The following PTPRD variants were observed in gnomAD, a reference collection of about 807,000 sequenced individuals.
PTPRD encodes the protein receptor-type tyrosine-protein phosphatase delta.
In PTPRD, 34 loss-of-function variants were observed where a neutral mutation model predicts 214.5. That is an observed-to-expected ratio of 0.16 (90% confidence interval 0.12 to 0.21). The LOEUF is 0.21. PTPRD is among the 10% of genes least tolerant of loss of function. The pLI is 1.00. For missense variants in PTPRD, 2,545 were observed against 2,398.7 expected (o/e 1.06, Z -1.27); for synonymous variants, 1,128 against 845.7 (o/e 1.33, Z -5.79).
chr9:10,064,115 A>T (rs1206886447), intron 3 of PTPRD, among the ~76,000 whole-genome samples: 4 of 151,768 alleles, frequency 2.6e-5, no homozygotes, highest in Non-Finnish European at 5.9e-5. Flanking sequence ...TGTGTAACTT[A>T]AAAGACAATT....
intron 7 of PTPRD, among the ~76,000 whole-genome samples, chr9:9,672,719 A>G (rs2096854755): frequency 6.6e-6 from 1 of 152,096 alleles, no homozygotes; most frequent in Admixed American, 6.6e-5. Context: ...TTATCCACCC[A>G]GTTTCACTAC....
intron 3 of PTPRD, among the ~76,000 whole-genome samples, chr9:10,131,432 A>G (rs1475719224): frequency 6.6e-6 from 1 of 152,172 alleles, no homozygotes; most frequent in Admixed American, 6.6e-5. Flanking sequence ...TGCTTAACAA[A>G]TATTGTTTAT....
intron 12 of PTPRD, among the ~76,000 whole-genome samples, chr9:8,681,029 G>A (rs1204815715): frequency 2.0e-5 from 3 of 152,048 alleles, no homozygotes; most frequent in Non-Finnish European, 4.4e-5. Context: ...GTCACTTTTT[G>A]GTATTCCTCC....
intron 8 of PTPRD, among the ~76,000 whole-genome samples, chr9:9,489,531 T>C (rs1411720486): frequency 6.6e-6 from 1 of 151,872 alleles, no homozygotes; most frequent in African/African-American, 2.4e-5. Flanking sequence ...GAAAACAATA[T>C]AGGAGCAAAG....
rs1472138761 is a variant in PTPRD at position 10,400,670 on chromosome 9, G to A, written c.-599-59653C>T. 9.2e-5 allele frequency among the ~76,000 whole-genome samples: 14 copies of A among 151,486 alleles called. No homozygotes were observed. The East Asian group carries it at 2.3e-3, about 25-fold the overall frequency. ...AATTCCTTGAACTAAAATGTCAACTGAATTTCTAAAAAAAATAATAATAAT... is the reference window on the plus strand; with the variant it reads ...AATTCCTTGAACTAAAATGTCAACTAAATTTCTAAAAAAAATAATAATAAT... On this transcript the variant is annotated intron_variant, in intron 2 of 45. Coordinates refer to ENST00000381196, the MANE Select transcript of PTPRD (RefSeq NM_002839.4).
At position 10,373,209 on chromosome 9, in the gene PTPRD, G is replaced by A. The variant is rs150081933; in HGVS notation, c.-599-32192C>T. On this transcript the variant is annotated intron_variant, in intron 2 of 45. Coordinates refer to ENST00000381196, the MANE Select transcript of PTPRD (RefSeq NM_002839.4). Reference sequence around the variant, plus strand: ...ACATAAAGCATAATATATCTAATGGGTTAAAAGTGAGGTTAATCTATTCAG... The same window carrying A: ...ACATAAAGCATAATATATCTAATGGATTAAAAGTGAGGTTAATCTATTCAG... 5.8e-3 allele frequency among the ~76,000 whole-genome samples: 878 copies of A among 151,456 alleles called. 10 individuals are homozygous for A. Among genetic ancestry groups the A allele is most frequent in the African/African-American group, 0.02 (833 of 41,356 alleles).
At chr9:9,022,838 A>G (rs906621628) in intron 10 of PTPRD, among the ~76,000 whole-genome samples, 2 of 152,162 alleles carry the variant, frequency 1.3e-5, no homozygotes, top group African/African-American at 2.4e-5. Flanking sequence ...TTGCTTTTAC[A>G]TATTCGTAGA....
At chr9:10,563,978 C>G (rs2064819690) in intron 2 of PTPRD, among the ~76,000 whole-genome samples, 1 of 151,430 alleles carries the variant, frequency 6.6e-6, no homozygotes. Context: ...TCATCTGTGC[C>G]AGTTGTTTCC....
rs748789529 is a variant in PTPRD, at chr9:10,482,884, G to A, written c.-600+129514C>T. 2.0e-5 allele frequency among the ~76,000 whole-genome samples: 3 copies of A among 152,144 alleles called. No individual in the cohort carries two copies. The East Asian group carries it at 5.8e-4, about 29-fold the overall frequency. On this transcript the variant is annotated intron_variant, in intron 2 of 45. Transcript: ENST00000381196. ...TCCAAAAGCAATTGACAGATTGAAT[G>A]CAATCCCTATTACAATAACAACATG...
chr9:9,669,766 T>C lies in PTPRD; in HGVS notation c.-287+64767A>G, dbSNP rs193004299. On this transcript the variant is annotated intron_variant, in intron 7 of 45. Transcript: ENST00000381196. ...TAATTCAAAAGTCCCCATATAAAAA[T>C]GTTTAAATATAAACCTTTATGAGAA... is the stretch of plus-strand genomic sequence containing the variant. 1.7e-3 allele frequency among the ~76,000 whole-genome samples: 252 copies of C among 152,314 alleles called. 1 individual carries two copies. The highest frequency in any genetic ancestry group is 5.7e-3 in the African/African-American group (235 of 41,584).
intron 8 of PTPRD, among the ~76,000 whole-genome samples, chr9:9,438,270 C>T (rs2086125087): frequency 6.6e-6 from 1 of 152,114 alleles, no homozygotes; most frequent in Admixed American, 6.6e-5. Context: ...CCAGTGCCTA[C>T]AGCAAAAGAC....
At chr9:9,231,743 T>A (rs575985940) in intron 9 of PTPRD, among the ~76,000 whole-genome samples, 18 of 152,278 alleles carry the variant, frequency 1.2e-4, no homozygotes, top group African/African-American at 3.1e-4. Flanking sequence ...TCTTTTTTTT[T>A]AATTATACTT....
intron 4 of PTPRD, among the ~76,000 whole-genome samples, chr9:9,975,691 G>C (rs571870515): frequency 1.3e-5 from 2 of 152,276 alleles, no homozygotes; most frequent in South Asian, 4.1e-4. Flanking sequence ...GGAGATCTCT[G>C]TTAAGATAAT....
chr9:9,425,098 C>A (rs1035766731), intron 8 of PTPRD, among the ~76,000 whole-genome samples: 1 of 151,994 alleles, frequency 6.6e-6, no homozygotes. Context: ...AGAACTTGGG[C>A]TAGACTGTCT....
chr9:8,587,109 C>G (rs2093722967), intron 14 of PTPRD, among the ~76,000 whole-genome samples: 2 of 152,238 alleles, frequency 1.3e-5, no homozygotes, highest in African/African-American at 4.8e-5. Context: ...GAGATCACAC[C>G]ACTGCACTCC....
At chr9:8,936,449 A>AAAAAAAAT in intron 11 of PTPRD, among the ~76,000 whole-genome samples, 1 of 149,046 alleles carries the variant, frequency 6.7e-6, no homozygotes, top group African/African-American at 2.5e-5. Context: ...AAAAAAAAAA[A>AAAAAAAAT]AGAAGATGAA....
At chr9:8,980,917 T>C (rs1172798540) in intron 11 of PTPRD, among the ~76,000 whole-genome samples, 1 of 152,048 alleles carries the variant, frequency 6.6e-6, no homozygotes, top group Non-Finnish European at 1.5e-5. Flanking sequence ...CAAAATTCCA[T>C]TGTTTAGATT....
intron 5 of PTPRD, among the ~76,000 whole-genome samples, chr9:9,825,074 T>C (rs1460035800): frequency 9.9e-5 from 15 of 152,020 alleles, no homozygotes; most frequent in Admixed American, 9.9e-4. Flanking sequence ...AATTAATGTC[T>C]AGTTTCAAAT....
intron 11 of PTPRD, among the ~76,000 whole-genome samples, chr9:8,964,203 T>TTTTTTG (rs2099175945): frequency 7.0e-6 from 1 of 143,600 alleles, no homozygotes; most frequent in Admixed American, 7.1e-5. Flanking sequence ...TTTTTTTTTT[T>TTTTTTG]TTTTTTTTTT....
Sources: allele counts gnomAD v4.1 joint callset (sites outside exome capture counted in the v4.1 genomes callset), GRCh38; gene constraint gnomAD v4.1.1; transcripts MANE v1.5; gene names NCBI Gene and HGNC (gene_info 2026-07-23, HGNC 2026-07-21).